Variants in SDK1 observed in about 807,000 individuals in gnomAD.
SDK1 encodes protein sidekick-1.
Under a neutral mutation model 245.5 loss-of-function variants are expected in SDK1, and 157 were observed. The ratio of observed to expected loss-of-function variants is 0.64; its 90% CI spans 0.56 to 0.73. SDK1 has a LOEUF of 0.73. SDK1 is among the 30% of genes least tolerant of loss of function. SDK1 has a pLI of 0.00. For synonymous variants in SDK1, 1,647 were observed against 1,278.5 expected (o/e 1.29, Z -6.15); for missense variants, 3,583 against 3,002.3 (o/e 1.19, Z -4.52).
intron 4 of SDK1, among the ~76,000 whole-genome samples, chr7:3,710,037 A>T (rs557676183): frequency 6.6e-6 from 1 of 152,366 alleles, no homozygotes; most frequent in African/African-American, 2.4e-5. Context: ...ATAAAGGAAA[A>T]AAAATCAGAG....
At chr7:3,597,975 C>T (rs1781121933) in intron 1 of SDK1, among the ~76,000 whole-genome samples, 1 of 152,104 alleles carries the variant, frequency 6.6e-6, no homozygotes, top group Non-Finnish European at 1.5e-5. Flanking sequence ...ACTTCTGGAT[C>T]ATTGTGTAGG....
chr7:3,993,454 G>T (rs962491985), intron 14 of SDK1, among the ~76,000 whole-genome samples: 1 of 152,008 alleles, frequency 6.6e-6, no homozygotes, highest in Admixed American at 6.6e-5. Flanking sequence ...ATTCTACTCA[G>T]TCCTACGGTT....
chr7:4,193,871 C>A (rs1014435666), intron 35 of SDK1, among the ~76,000 whole-genome samples: 1 of 152,176 alleles, frequency 6.6e-6, no homozygotes, highest in Non-Finnish European at 1.5e-5. Flanking sequence ...CATTATGTTT[C>A]TTGGTTCTCC....
chr7:4,196,629 G>C (rs1005667998), intron 35 of SDK1, among the ~76,000 whole-genome samples: 2 of 151,972 alleles, frequency 1.3e-5, no homozygotes, highest in Non-Finnish European at 2.9e-5. Context: ...GCACTGCCCG[G>C]GGAGCCCTGC....
At chr7:3,649,121 T>C (rs1360766593) in intron 4 of SDK1, among the ~76,000 whole-genome samples, 2 of 152,060 alleles carry the variant, frequency 1.3e-5, no homozygotes, top group African/African-American at 4.8e-5. Flanking sequence ...TCAGTGGGTG[T>C]GTTCTGATAT....
chr7:3,355,515 T>C lies in SDK1; in HGVS notation c.298+53631T>C, dbSNP rs750306592. ...TTGTAAATTTAAATCTTAACACTTA[T>C]GTGGTGTTTCCAGTTAGATTTCTTC... On this transcript the variant is annotated intron_variant, in intron 1 of 44. Coordinates refer to ENST00000404826, the MANE Select transcript of SDK1 (RefSeq NM_152744.4). Among the ~76,000 whole-genome samples, 8 of 152,318 alleles carry C rather than the reference T, an allele frequency of 5.3e-5. No individual in the cohort carries two copies. In the East Asian group the frequency reaches 9.7e-4, roughly 18 times the overall value.
chr7:4,141,586 C>T (rs1185882664), intron 28 of SDK1, among the ~76,000 whole-genome samples: 1 of 152,178 alleles, frequency 6.6e-6, no homozygotes, highest in African/African-American at 2.4e-5. Flanking sequence ...AACTCTCCAA[C>T]ATATTAAGTA....
At chr7:3,607,111 C>G (rs1045424553) in intron 1 of SDK1, among the ~76,000 whole-genome samples, 5 of 151,968 alleles carry the variant, frequency 3.3e-5, no homozygotes, top group Non-Finnish European at 5.9e-5. Context: ...AGCCCCTAAA[C>G]TGGCCACTAG....
chr7:4,220,197 C>A lies in SDK1; in HGVS notation c.5628C>A (p.Phe1876Leu). 6.2e-7 allele frequency: 1 copy of A among 1,614,108 alleles called. No homozygotes were observed. The highest frequency in any genetic ancestry group is 2.2e-5 in the East Asian group (1 of 44,854). Reference protein sequence around the residue: ...VRDLTKGVTYFFRVQARTITY... With the variant: ...VRDLTKGVTYLFRVQARTITY... ...ACCTCACCAAGGGAGTGACCTATTT[C>A]TTCCGTGTCCAAGCGCGGACCATCA... The change falls in exon 39 of 45, where the codon TTC becomes TTA. Residue 1876 changes from phenylalanine to leucine, a missense_variant. By Grantham distance (22) the Phe-to-Leu change is conservative (BLOSUM62 0). Transcript: ENST00000404826.
At chr7:3,706,877 T>G (rs1044826099) in intron 4 of SDK1, among the ~76,000 whole-genome samples, 2 of 152,194 alleles carry the variant, frequency 1.3e-5, no homozygotes, top group African/African-American at 4.8e-5. Context: ...TCAAATGATC[T>G]TTTGTATTTC....
chr7:4,054,490 G>C (rs1467879000), intron 19 of SDK1, among the ~76,000 whole-genome samples: 1 of 152,118 alleles, frequency 6.6e-6, no homozygotes, highest in Non-Finnish European at 1.5e-5. Context: ...CACATGTGTA[G>C]GTTTGTGTAT....
chr7:3,509,977 G>A (rs1252671747), intron 1 of SDK1, among the ~76,000 whole-genome samples: 5 of 152,092 alleles, frequency 3.3e-5, no homozygotes, highest in South Asian at 2.1e-4. Flanking sequence ...GAATAACATC[G>A]GTGGGTGGGG....
intron 44 of SDK1, among the ~76,000 whole-genome samples, chr7:4,248,822 T>C (rs369931637): frequency 2.8e-4 from 42 of 152,194 alleles, no homozygotes; most frequent in African/African-American, 9.4e-4. Flanking sequence ...CACAGGCACA[T>C]GGCTCACACA....
chr7:3,666,154 C>A (rs549495388), intron 4 of SDK1, among the ~76,000 whole-genome samples: 5 of 152,280 alleles, frequency 3.3e-5, no homozygotes, highest in Non-Finnish European at 7.3e-5. Flanking sequence ...GCATATGACA[C>A]CCCCACCCCA....
At chr7:4,115,398 T>A (rs1385464257) in intron 25 of SDK1, among the ~76,000 whole-genome samples, 1 of 152,154 alleles carries the variant, frequency 6.6e-6, no homozygotes, top group Non-Finnish European at 1.5e-5. Context: ...ACTGGGTCAG[T>A]GGCCAGAGGA....
At chr7:3,669,148 A>G (rs1266171208) in intron 4 of SDK1, among the ~76,000 whole-genome samples, 2 of 152,230 alleles carry the variant, frequency 1.3e-5, no homozygotes, top group Non-Finnish European at 2.9e-5. Context: ...AAGGTGGTAA[A>G]ACATATTGGT....
At chr7:4,012,796 A>G (rs1261757616) in intron 16 of SDK1, among the ~76,000 whole-genome samples, 1 of 151,408 alleles carries the variant, frequency 6.6e-6, no homozygotes, top group Non-Finnish European at 1.5e-5. Flanking sequence ...CTGGTCTCAA[A>G]CTCCTGACCT....
chr7:3,301,868 C>G lies in SDK1; in HGVS notation c.282C>G (p.Leu94=). ...TGCTGGCGCTGCAGCTGCACTTGCTCCGGGCGCTGGCGCAAGGTAGGTGCG... is the reference window on the plus strand; with the variant it reads ...TGCTGGCGCTGCAGCTGCACTTGCTGCGGGCGCTGGCGCAAGGTAGGTGCG... ...WALLALQLHL[L]RALAQDDVAP... Residue 94 remains leucine, a synonymous_variant, in exon 1 of 45, where the codon CTC becomes CTG. Transcript: ENST00000404826. 8.8e-7 allele frequency: 1 copy of G among 1,136,612 alleles called. No homozygotes were observed. The highest frequency in any genetic ancestry group is 1.1e-6 in the Non-Finnish European group (1 of 927,608). The allele number at this position is 1,136,612 out of a possible 1,614,324, so 70.4% of individuals were successfully genotyped here. A position where few individuals can be genotyped will look rare whatever the true frequency, so the allele number is the denominator to read the frequency against.
At chr7:3,620,356 G>A (rs1349651277) in intron 2 of SDK1, among the ~76,000 whole-genome samples, 1 of 151,688 alleles carries the variant, frequency 6.6e-6, no homozygotes, top group African/African-American at 2.4e-5. Flanking sequence ...AGGCTGGAGT[G>A]CAGTGGCGCG....
Sources: gnomAD v4.1 joint callset for allele counts (sites outside exome capture counted in the v4.1 genomes callset) on GRCh38, gnomAD v4.1.1 for gene constraint, MANE v1.5 for transcripts, NCBI Gene and HGNC (gene_info 2026-07-23, HGNC 2026-07-21) for gene names.